Variants in RBFOX1 observed in about 807,000 individuals in gnomAD.
RBFOX1 encodes RNA binding protein fox-1 homolog 1.
In RBFOX1, 8 loss-of-function variants were observed where a neutral mutation model predicts 57.7. That is an observed-to-expected ratio of 0.14 (90% CI 0.08 to 0.25). The LOEUF (loss-of-function observed/expected upper bound fraction) is 0.25. Ranked by LOEUF, RBFOX1 falls within the 10% of genes least tolerant of loss-of-function variation. The probability of loss-of-function intolerance (pLI) is 1.00; values close to 1 mark genes in which losing one functional copy is unlikely to be tolerated. For synonymous variants in RBFOX1, 326 were observed against 222.4 expected (o/e 1.47, Z -4.15); for missense variants, 611 against 548.5 (o/e 1.11, Z -1.14).
At chr16:5,507,700 C>T (rs2043425728) in intron 2 of RBFOX1, among the ~76,000 whole-genome samples, 1 of 152,104 alleles carries the variant, frequency 6.6e-6, no homozygotes, top group South Asian at 2.1e-4. Flanking sequence ...GACTGGTGTC[C>T]TTATAAAAAG....
intron 4 of RBFOX1, chr16:7,431,349 C>T (rs553686132): frequency 6.6e-6 from 1 of 152,252 alleles, no homozygotes; most frequent in African/African-American, 2.4e-5. Context: ...GCCTCAGCCT[C>T]CTAAGTAGCT....
intron 3 of RBFOX1, among the ~76,000 whole-genome samples, chr16:6,928,156 C>T (rs1457467980): frequency 1.3e-5 from 2 of 152,134 alleles, no homozygotes; most frequent in Non-Finnish European, 2.9e-5. Context: ...GGGTTTTCAG[C>T]ATTGGCTGTG....
chr16:7,461,128 CG>C (rs1187240436), intron 4 of RBFOX1, among the ~76,000 whole-genome samples: 1 of 151,978 alleles, frequency 6.6e-6, no homozygotes, highest in Admixed American at 6.6e-5. Flanking sequence ...TTATATTTCA[CG>C]TGGTTGATAA....
At chr16:5,577,131 C>T (rs73517597) in intron 2 of RBFOX1, among the ~76,000 whole-genome samples, 4 of 152,144 alleles carry the variant, frequency 2.6e-5, no homozygotes, top group African/African-American at 7.2e-5. Context: ...GACTATCCCT[C>T]GGAGCCCCAT....
chr16:7,654,493 C>T (rs2065845673), intron 12 of RBFOX1, among the ~76,000 whole-genome samples: 1 of 152,152 alleles, frequency 6.6e-6, no homozygotes, highest in Non-Finnish European at 1.5e-5. Context: ...GTTGCAGTTG[C>T]GTTTTCCAAA....
At chr16:5,585,262 A>G (rs967901370) in intron 2 of RBFOX1, among the ~76,000 whole-genome samples, 1 of 152,172 alleles carries the variant, frequency 6.6e-6, no homozygotes, top group African/African-American at 2.4e-5. Flanking sequence ...AAATTATGCA[A>G]TGTATGGTAT....
chr16:7,228,823 G>A (rs779641341), intron 4 of RBFOX1, among the ~76,000 whole-genome samples: 3 of 152,130 alleles, frequency 2.0e-5, no homozygotes, highest in Non-Finnish European at 4.4e-5. Context: ...TAATCTCTCG[G>A]TTCTAACTTC....
chr16:7,344,378 A>G (rs1025488145), intron 4 of RBFOX1, among the ~76,000 whole-genome samples: 12 of 149,910 alleles, frequency 8.0e-5, no homozygotes, highest in African/African-American at 2.9e-4. Context: ...TGTATTATGC[A>G]TTATTCATAA....
At chr16:6,169,641 C>T (rs992344341) in intron 1 of RBFOX1, among the ~76,000 whole-genome samples, 1 of 152,196 alleles carries the variant, frequency 6.6e-6, no homozygotes, top group East Asian at 1.9e-4. Flanking sequence ...AGATTGGTTA[C>T]AGCTCCGCGT....
chr16:5,641,984 T>G (rs1281236369), intron 3 of RBFOX1, among the ~76,000 whole-genome samples: 1 of 152,182 alleles, frequency 6.6e-6, no homozygotes, highest in Non-Finnish European at 1.5e-5. Context: ...CTCGTGATTC[T>G]GGATCTCGAG....
At chr16:5,404,067 A>G (rs1340845399) in intron 1 of RBFOX1, among the ~76,000 whole-genome samples, 3 of 39,956 alleles carry the variant, frequency 7.5e-5, no homozygotes, top group African/African-American at 1.0e-4. Flanking sequence ...GGCTTGTCTG[A>G]GTCATGGGGG....
chr16:7,640,205 C>G (rs900870685), intron 11 of RBFOX1, among the ~76,000 whole-genome samples: 2 of 152,206 alleles, frequency 1.3e-5, no homozygotes, highest in Non-Finnish European at 2.9e-5. Flanking sequence ...TCATAACCCA[C>G]TTTGTTGTTT....
rs147712299 is a variant in RBFOX1 at position 5,452,009 on chromosome 16, C to G, written c.220-15207C>G. Among the ~76,000 whole-genome samples the G allele has an allele frequency of 4.9e-3, 743 of 152,268 alleles. 5 individuals carry two copies. Among genetic ancestry groups the G allele is most frequent in the African/African-American group, 0.016 (677 of 41,546 alleles). On this transcript the variant is annotated intron_variant, in intron 1 of 2. Transcript: ENST00000585867. ...TCAAATTCACCATCTCCCTCCACCCCCAAACCCATTGCCTCTTCTGGGTTC... is the reference window on the plus strand; with the variant it reads ...TCAAATTCACCATCTCCCTCCACCCGCAAACCCATTGCCTCTTCTGGGTTC...
intron 3 of RBFOX1, among the ~76,000 whole-genome samples, chr16:6,933,376 C>G (rs958495978): frequency 6.6e-5 from 10 of 152,222 alleles, no homozygotes; most frequent in Admixed American, 5.2e-4. Flanking sequence ...GGGTTCCAAT[C>G]TGTCCACATC....
At chr16:5,335,644 A>G (rs958389896) in intron 1 of RBFOX1, among the ~76,000 whole-genome samples, 1 of 152,114 alleles carries the variant, frequency 6.6e-6, no homozygotes, top group Admixed American at 6.5e-5. Context: ...GAAAGGTATT[A>G]ATGTTGGTTT....
intron 3 of RBFOX1, among the ~76,000 whole-genome samples, chr16:6,808,726 G>C (rs1009676133): frequency 6.6e-6 from 1 of 152,220 alleles, no homozygotes. Flanking sequence ...AGGTAATACT[G>C]TTCTTTTCTC....
At chr16:6,592,073 T>A (rs932061655) in intron 2 of RBFOX1, among the ~76,000 whole-genome samples, 1 of 152,170 alleles carries the variant, frequency 6.6e-6, no homozygotes, top group East Asian at 1.9e-4. Context: ...AATTGGAGAT[T>A]TGGAGACTTT....
At chr16:6,523,078 C>G (rs1298940825) in intron 2 of RBFOX1, among the ~76,000 whole-genome samples, 1 of 152,144 alleles carries the variant, frequency 6.6e-6, no homozygotes, top group African/African-American at 2.4e-5. Context: ...ATATTTACTG[C>G]TCTTTAAAAT....
At chr16:5,724,740 C>A (rs1421993020) in intron 3 of RBFOX1, among the ~76,000 whole-genome samples, 1 of 152,184 alleles carries the variant, frequency 6.6e-6, no homozygotes, top group South Asian at 2.1e-4. Context: ...CCAACAAGTT[C>A]TGAGTACCTA....
Sources: gnomAD v4.1 joint callset for allele counts (sites outside exome capture counted in the v4.1 genomes callset) on GRCh38, gnomAD v4.1.1 for gene constraint, MANE v1.5 for transcripts, NCBI Gene and HGNC (gene_info 2026-07-23, HGNC 2026-07-21) for gene names.